The following PPP6R3 variants were observed in gnomAD, a reference collection of about 807,000 sequenced individuals.
PPP6R3 encodes serine/threonine-protein phosphatase 6 regulatory subunit 3.
Under a neutral mutation model 110.7 loss-of-function variants are expected in PPP6R3, and 38 were observed. The observed-to-expected ratio is 0.34, with a 90% CI of 0.26 to 0.45. The LOEUF is 0.45. Ranked by LOEUF, PPP6R3 falls within the 20% of genes least tolerant of loss-of-function variation. The probability of loss-of-function intolerance (pLI) is 1.00; values close to 1 mark genes in which losing one functional copy is unlikely to be tolerated. For missense variants in PPP6R3, 870 were observed against 1,062.4 expected, an observed-to-expected ratio of 0.82 and a Z score of 2.52; for synonymous variants, 369 against 373.5, an observed-to-expected ratio of 0.99 and a Z score of 0.14.
chr11:68,557,656 T>C (rs1350759226), intron 7 of PPP6R3, among the ~76,000 whole-genome samples: 1 of 152,168 alleles, frequency 6.6e-6, no homozygotes, highest in Non-Finnish European at 1.5e-5. Context: ...TTAGCTGGGA[T>C]GACAGGCGTG....
At chr11:68,503,695 C>T (rs918246671) in intron 1 of PPP6R3, among the ~76,000 whole-genome samples, 1 of 152,162 alleles carries the variant, frequency 6.6e-6, no homozygotes, top group African/African-American at 2.4e-5. Context: ...GCAGTTTGAG[C>T]TGAGTGGTAG....
chr11:68,554,336 T>C, intron 7 of PPP6R3, 79 bp downstream of exon 7: 1 of 1,087,592 alleles, frequency 9.2e-7, no homozygotes, highest in Non-Finnish European at 1.3e-6. Flanking sequence ...GATTGGTAAG[T>C]GTTCCTTATG....
chr11:68,615,013 C>A lies in PPP6R3; in HGVS notation c.*1896C>A. The A allele has an allele frequency of 1.9e-6, 1 of 525,682 alleles. No individual in the cohort carries two copies. Among genetic ancestry groups the A allele is most frequent in the Non-Finnish European group, 3.7e-6 (1 of 271,960 alleles). The allele number at this position is 525,682 out of a possible 1,614,324, so 32.6% of individuals were successfully genotyped here. On this transcript the variant is annotated 3_prime_UTR_variant, in exon 24 of 24. Transcript: ENST00000393800. ...CCACTGTGGCCTCTGTGGTATGGAC[C>A]TGGTGGCTTCTCCATCCTACCCAAG...
chr11:68,551,747 A>G (rs1463038142), intron 6 of PPP6R3, among the ~76,000 whole-genome samples: 1 of 152,128 alleles, frequency 6.6e-6, no homozygotes, highest in Non-Finnish European at 1.5e-5. Context: ...TCGGCCTCCC[A>G]AAGTGCTGGG....
chr11:68,476,913 C>CT (rs1191369660), intron 1 of PPP6R3, among the ~76,000 whole-genome samples: 1 of 151,510 alleles, frequency 6.6e-6, no homozygotes, highest in African/African-American at 2.4e-5. Flanking sequence ...GTAGTCACAG[C>CT]TACTCAGGTG....
At chr11:68,519,759 C>G (rs1422095229) in intron 2 of PPP6R3, 108 bp downstream of exon 2, 1 of 394,568 alleles carries the variant, frequency 2.5e-6, no homozygotes, top group Non-Finnish European at 4.5e-6. Context: ...GGAGACCAGT[C>G]TCTCTGAGCT....
At chr11:68,569,930 C>CT in intron 11 of PPP6R3, 33 bp downstream of exon 11, 1 of 1,582,482 alleles carries the variant, frequency 6.3e-7, no homozygotes. Context: ...TTCTCCCACT[C>CT]TCTCCTGGTT....
At chr11:68,489,266 G>T (rs144278598) in intron 1 of PPP6R3, among the ~76,000 whole-genome samples, 1 of 151,854 alleles carries the variant, frequency 6.6e-6, no homozygotes, top group South Asian at 2.1e-4. Context: ...TGATCCGCCC[G>T]CCTCGGCCTC....
chr11:68,569,363 T>G (rs1285995563), intron 10 of PPP6R3, among the ~76,000 whole-genome samples: 1 of 152,224 alleles, frequency 6.6e-6, no homozygotes, highest in African/African-American at 2.4e-5. Flanking sequence ...ATATATACTA[T>G]GTGTTTTTCC....
rs749197018 is a variant in PPP6R3 at position 68,603,372 on chromosome 11, C to G, written c.2330C>G (p.Ser777Cys). 1.9e-6 allele frequency: 3 copies of G among 1,613,990 alleles called. No individual in the cohort carries two copies. The highest frequency in any genetic ancestry group is 3.3e-5 in the Admixed American group (2 of 59,992). Residue 777 changes from serine to cysteine, a missense_variant, in exon 22 of 24, where the codon TCT becomes TGT. Physicochemically the swap from Ser to Cys is moderately radical, Grantham distance 112. Transcript: ENST00000393800. ...GGCAGTGTGGCCATGGAAGCCAGCT[C>G]TGACGGAGAGGAGGATGCAGAAAGT... The part of the protein sequence containing the change: ...AAGSVAMEAS[S>C]DGEEDAESTD...
At chr11:68,483,832 G>A (rs924575697) in intron 1 of PPP6R3, among the ~76,000 whole-genome samples, 4 of 152,158 alleles carry the variant, frequency 2.6e-5, no homozygotes, top group African/African-American at 9.7e-5. Context: ...CACCATTGTA[G>A]TATCATACAG....
chr11:68,462,558 C>T (rs1230217462), intron 1 of PPP6R3, among the ~76,000 whole-genome samples: 1 of 152,154 alleles, frequency 6.6e-6, no homozygotes, highest in African/African-American at 2.4e-5. Context: ...CTCCTTGTTA[C>T]TGAAAACTGT....
Position 68,614,605 on chromosome 11 carries a change from A to G in PPP6R3, c.*1488A>G. On this transcript the variant is annotated 3_prime_UTR_variant, in exon 24 of 24. Transcript: ENST00000393800. Reference sequence around the variant, plus strand: ...AGAATCAAACGTCTAATGCCTTATTATTTCTGATTTCCTTTTTCATTTTAA... The same window carrying G: ...AGAATCAAACGTCTAATGCCTTATTGTTTCTGATTTCCTTTTTCATTTTAA... The G allele has an allele frequency of 6.9e-7, 1 of 1,452,858 alleles. No homozygotes were observed. The highest frequency in any genetic ancestry group is 9.2e-7 in the Non-Finnish European group (1 of 1,084,594). 90.0% of individuals were successfully genotyped at this position (1,452,858 alleles called of 1,614,324 possible). A position where few individuals can be genotyped will look rare whatever the true frequency, so the allele number is the denominator to read the frequency against.
chr11:68,581,410 T>C (rs1412899189), intron 14 of PPP6R3, among the ~76,000 whole-genome samples: 2 of 152,220 alleles, frequency 1.3e-5, no homozygotes, highest in Non-Finnish European at 2.9e-5. Flanking sequence ...ATACATCGAA[T>C]CCTATTTTAA....
intron 1 of PPP6R3, among the ~76,000 whole-genome samples, chr11:68,490,302 T>A (rs1280579872): frequency 1.3e-5 from 2 of 152,236 alleles, no homozygotes; most frequent in Non-Finnish European, 2.9e-5. Flanking sequence ...GATGTAATTC[T>A]TGCCTTTGCT....
chr11:68,583,700 T>G (rs776640815), intron 15 of PPP6R3, among the ~76,000 whole-genome samples: 12 of 152,284 alleles, frequency 7.9e-5, no homozygotes, highest in Non-Finnish European at 1.6e-4. Context: ...ATGTACTGAT[T>G]TATCATCCAT....
At chr11:68,551,361 A>G (rs775028906) in intron 6 of PPP6R3, 175 bp downstream of exon 6, 5 of 564,048 alleles carry the variant, frequency 8.9e-6, no homozygotes, top group Non-Finnish European at 1.5e-5. Flanking sequence ...CATTTTGCCA[A>G]TACTCAGAAA....
At chr11:68,504,541 T>C (rs1358357773) in intron 1 of PPP6R3, among the ~76,000 whole-genome samples, 1 of 152,222 alleles carries the variant, frequency 6.6e-6, no homozygotes, top group Non-Finnish European at 1.5e-5. Flanking sequence ...TATGGATGAA[T>C]GCACACTTCA....
At position 68,551,352 on chromosome 11, in the gene PPP6R3, A is replaced by G. The variant is rs532330923; in HGVS notation, c.618+166A>G. 2.5e-4 allele frequency: 146 copies of G among 580,566 alleles called. 2 individuals are homozygous for G. Among genetic ancestry groups the G allele is most frequent in the South Asian group, 1.3e-3 (52 of 38,994 alleles). The allele number at this position is 580,566 out of a possible 1,614,324, so 36.0% of individuals were successfully genotyped here. ...TTGATACTTTTCTAAACAATATTACATTTTGCCAATACTCAGAAAATTTCC... is the reference window on the plus strand; with the variant it reads ...TTGATACTTTTCTAAACAATATTACGTTTTGCCAATACTCAGAAAATTTCC... On this transcript the variant is annotated intron_variant, in intron 6 of 23. Transcript: ENST00000393800.
Sources: gnomAD v4.1 joint callset for allele counts (sites outside exome capture counted in the v4.1 genomes callset) on GRCh38, gnomAD v4.1.1 for gene constraint, MANE v1.5 for transcripts, NCBI Gene and HGNC (gene_info 2026-07-23, HGNC 2026-07-21) for gene names.